The following PIWIL1 variants were observed in gnomAD, a reference collection of about 807,000 sequenced individuals.
PIWIL1 encodes piwi like RNA-mediated gene silencing 1, also known as piwi-like protein 1.
A neutral mutation model predicts 114.4 loss-of-function variants in PIWIL1; 73 were observed. The observed-to-expected ratio is 0.64, with a 90% CI of 0.53 to 0.78. The LOEUF is 0.78. Among genes scored for constraint, PIWIL1 ranks in the 30% least tolerant of loss-of-function variants. PIWIL1 has a pLI of 0.00. For synonymous variants in PIWIL1, 375 were observed against 369.0 expected, an observed-to-expected ratio of 1.02 and a Z score of -0.19; for missense variants, 723 against 1,063.1, an observed-to-expected ratio of 0.68 and a Z score of 4.45.
rs559803125 is a variant in PIWIL1, at chr12:130,372,485, G to A, written c.*887G>A. 29 of 151,862 alleles carry A rather than the reference G, an allele frequency of 1.9e-4. No homozygotes were observed. In the East Asian group the frequency reaches 5.4e-3, roughly 28 times the overall value. 9.4% of individuals were successfully genotyped at this position (151,862 alleles called of 1,614,324 possible). On this transcript the variant is annotated 3_prime_UTR_variant, in exon 21 of 21. Transcript: ENST00000245255. Reference sequence around the variant, plus strand: ...TAAAAATACAAAATTAGCCAGATGTGGTGCCAGGAGGCTGAGGCAGGAGAA... The same window carrying A: ...TAAAAATACAAAATTAGCCAGATGTAGTGCCAGGAGGCTGAGGCAGGAGAA...
chr12:130,376,835 G>A (rs1229849252), downstream of PIWIL1, among the ~76,000 whole-genome samples: 1 of 152,192 alleles, frequency 6.6e-6, no homozygotes, highest in Non-Finnish European at 1.5e-5. Flanking sequence ...TCCCACTATG[G>A]ATCCCCATCT....
chr12:130,399,050 C>T, the PIWIL1 span: 1 of 835,968 alleles, frequency 1.2e-6, no homozygotes, highest in Non-Finnish European at 1.7e-6. Flanking sequence ...TTAAGTCTAC[C>T]ACACTGGCCC....
Position 130,338,033 on chromosome 12 carries a change from G to A in PIWIL1, c.-126G>A. 5.5e-6 allele frequency: 1 copy of A among 181,406 alleles called. No homozygotes were observed. The highest frequency in any genetic ancestry group is 1.1e-5 in the Non-Finnish European group (1 of 87,254). The allele number at this position is 181,406 out of a possible 1,614,324, so 11.2% of individuals were successfully genotyped here. A position where few individuals can be genotyped will look rare whatever the true frequency, so the allele number is the denominator to read the frequency against. On this transcript the variant is annotated 5_prime_UTR_variant, in exon 1 of 21. Coordinates refer to ENST00000245255, the MANE Select transcript of PIWIL1 (RefSeq NM_004764.5). ...GCCGAAGGCGAGGTGGGCGCGGGCC[G>A]AAGGAGGTCCTGGGAGGTCGGCGGC...
At chr12:130,397,029 G>C in the PIWIL1 span, 1 of 180,102 alleles carries the variant, frequency 5.6e-6, no homozygotes, top group Admixed American at 6.2e-5. Flanking sequence ...ATTCCTTTAA[G>C]GGCAGATGAC....
intron 16 of PIWIL1, among the ~76,000 whole-genome samples, 155 bp downstream of exon 16, chr12:130,361,756 T>G (rs1286198018): frequency 1.3e-5 from 2 of 152,222 alleles, no homozygotes; most frequent in Admixed American, 1.3e-4. Flanking sequence ...CTACCCTAGC[T>G]CTTGAATGAC....
the PIWIL1 span, among the ~76,000 whole-genome samples, chr12:130,417,885 C>T: frequency 3.9e-4 from 60 of 151,900 alleles, no homozygotes; most frequent in African/African-American, 1.4e-3. Context: ...AGGGAACTGA[C>T]AGATAATATT....
At chr12:130,345,677 A>G (rs1381538640) in intron 3 of PIWIL1, 76 bp from the exon 4 acceptor site, 13 of 1,487,242 alleles carry the variant, frequency 8.7e-6, no homozygotes, top group Non-Finnish European at 1.1e-5. Context: ...ATTACACATA[A>G]TAGCACTATG....
the PIWIL1 span, among the ~76,000 whole-genome samples, chr12:130,411,960 A>T: frequency 1.3e-5 from 2 of 152,190 alleles, no homozygotes; most frequent in Non-Finnish European, 2.9e-5. Context: ...TGAATGATAT[A>T]AAACTGATAT....
intron 19 of PIWIL1, among the ~76,000 whole-genome samples, chr12:130,370,340 G>A (rs1001490891): frequency 1.3e-5 from 2 of 151,680 alleles, no homozygotes; most frequent in Admixed American, 6.6e-5. Flanking sequence ...AACCAACCTC[G>A]GATCAAAAAT....
At chr12:130,378,607 G>T in the PIWIL1 span, among the ~76,000 whole-genome samples, 1 of 151,888 alleles carries the variant, frequency 6.6e-6, no homozygotes, top group Non-Finnish European at 1.5e-5. Context: ...AGATTTCATT[G>T]CTCCACATCC....
At chr12:130,406,145 G>T in the PIWIL1 span, 1 of 1,290,472 alleles carries the variant, frequency 7.7e-7, no homozygotes, top group Non-Finnish European at 1.1e-6. Context: ...AAATCAAATG[G>T]TACTTCTTGA....
At chr12:130,393,846 C>T in the PIWIL1 span, among the ~76,000 whole-genome samples, 1 of 152,200 alleles carries the variant, frequency 6.6e-6, no homozygotes, top group Non-Finnish European at 1.5e-5. Context: ...ATAGAGACTG[C>T]AGCCCCCACG....
At chr12:130,417,184 A>C in the PIWIL1 span, among the ~76,000 whole-genome samples, 1 of 152,190 alleles carries the variant, frequency 6.6e-6, no homozygotes, top group Non-Finnish European at 1.5e-5. Context: ...AGCAGTTTGG[A>C]GATTTCTTGG....
intron 6 of PIWIL1, 139 bp downstream of exon 6, chr12:130,347,201 G>A (rs1216864092): frequency 3.0e-6 from 2 of 665,742 alleles, no homozygotes; most frequent in Admixed American, 3.1e-5. Context: ...GTAACTTAAG[G>A]TGTGGTTTAC....
Position 130,361,341 on chromosome 12 carries a change from C to T in PIWIL1, c.1827C>T (p.Asn609=). The change falls in exon 15 of 21, where the codon AAC becomes AAT. Residue 609 remains asparagine, a synonymous_variant. Transcript: ENST00000245255. ...AIATKIALQM[N]CKMGGELWRV... ...CTACAAAGATTGCCCTACAGATGAA[C>T]TGCAAGATGGGAGGAGAGCTCTGGA... 6.2e-7 allele frequency: 1 copy of T among 1,614,202 alleles called. No individual in the cohort carries two copies. The highest frequency in any genetic ancestry group is 8.5e-7 in the Non-Finnish European group (1 of 1,180,038).
At position 130,362,768 on chromosome 12, in the gene PIWIL1, G is replaced by T; in HGVS notation, c.1973G>T (p.Trp658Leu). ...TAGCTGTGTTTTTCTCTGAATAGCT[G>T]GTTCTCACGCTGCATATTTCAGGAT... ...VASINEGMTR[W>L]FSRCIFQDRG... Residue 658 changes from tryptophan (W) to leucine (L), a missense_variant and splice_region_variant, in exon 17 of 21, where the codon TGG becomes TTG. By Grantham distance (61) the Trp-to-Leu change is moderately conservative. Around this residue, in one of 8 missense-constraint regions of PIWIL1, gnomAD observed 298 missense variants for 420.8 expected, o/e 0.71. Transcript: ENST00000245255. 6.2e-7 allele frequency: 1 copy of T among 1,613,878 alleles called. No homozygotes were observed. Among genetic ancestry groups the T allele is most frequent in the South Asian group, 1.1e-5 (1 of 91,050 alleles).
chr12:130,404,879 A>T, the PIWIL1 span, among the ~76,000 whole-genome samples: 1 of 152,216 alleles, frequency 6.6e-6, no homozygotes, highest in African/African-American at 2.4e-5. Flanking sequence ...TAAAGTCCAT[A>T]AATACTCTAA....
chr12:130,405,969 A>G, the PIWIL1 span, among the ~76,000 whole-genome samples: 1 of 152,228 alleles, frequency 6.6e-6, no homozygotes, highest in Non-Finnish European at 1.5e-5. Context: ...CAAGGAAGAA[A>G]CAATGAAGTT....
At chr12:130,399,843 T>C in the PIWIL1 span, 3 of 1,611,930 alleles carry the variant, frequency 1.9e-6, no homozygotes, top group Non-Finnish European at 1.7e-6. Context: ...GCAGAAGAAC[T>C]ATTTATTTTT....
Sources: allele counts gnomAD v4.1 joint callset (sites outside exome capture counted in the v4.1 genomes callset), GRCh38; gene constraint gnomAD v4.1.1; regional missense constraint gnomAD v4.1.1; transcripts MANE v1.5; gene names NCBI Gene and HGNC (gene_info 2026-07-23, HGNC 2026-07-21).